Variants in BICC1 observed in about 807,000 individuals in gnomAD.
BICC1 encodes the protein protein bicaudal C homolog 1.
Under a neutral mutation model 111.0 loss-of-function variants are expected in BICC1, and 43 were observed. That is an observed-to-expected ratio of 0.39 (90% CI 0.30 to 0.50). The LOEUF is 0.50. Ranked by LOEUF, BICC1 falls within the 20% of genes least tolerant of loss-of-function variation. The pLI is 0.88. For synonymous variants in BICC1, 467 were observed against 434.4 expected (o/e 1.07, Z -0.93); for missense variants, 1,091 against 1,203.2 (o/e 0.91, Z 1.38).
At chr10:58,816,342 C>T (rs1361879019) in intron 18 of BICC1, among the ~76,000 whole-genome samples, 4 of 152,114 alleles carry the variant, frequency 2.6e-5, no homozygotes, top group Non-Finnish European at 5.9e-5. Flanking sequence ...GGTGGAGTGT[C>T]CCAGGACTCA....
At position 58,830,972 on chromosome 10, in the gene BICC1, T is replaced by C. The variant is rs747663678; in HGVS notation, c.*2081T>C. 1.3e-4 allele frequency: 20 copies of C among 152,230 alleles called. No individual in the cohort carries two copies. Among genetic ancestry groups the C allele is most frequent in the Non-Finnish European group, 2.5e-4 (17 of 68,048 alleles). The allele number at this position is 152,230 out of a possible 1,614,324, so 9.4% of individuals were successfully genotyped here. Reference sequence around the variant, plus strand: ...AATCTTGGAGCTCTTTTCCCAGCTGTCTACCATGCATTTGCAACAGGAGGA... The same window carrying C: ...AATCTTGGAGCTCTTTTCCCAGCTGCCTACCATGCATTTGCAACAGGAGGA... On this transcript the variant is annotated 3_prime_UTR_variant, in exon 21 of 21. Coordinates refer to ENST00000373886, the MANE Select transcript of BICC1 (RefSeq NM_001080512.3).
At chr10:58,802,993 T>C in intron 14 of BICC1, 84 bp from the exon 15 acceptor site, 1 of 1,289,390 alleles carries the variant, frequency 7.8e-7, no homozygotes, top group Non-Finnish European at 1.0e-6. Context: ...ATGATAAACA[T>C]GCATAGTAAA....
chr10:58,641,016 A>T (rs913719248), intron 2 of BICC1, among the ~76,000 whole-genome samples: 9 of 152,162 alleles, frequency 5.9e-5, no homozygotes, highest in African/African-American at 2.2e-4. Context: ...CCCATTGAGG[A>T]TATAATTGTA....
At chr10:58,681,744 A>C (rs1218868740) in intron 2 of BICC1, among the ~76,000 whole-genome samples, 1 of 152,164 alleles carries the variant, frequency 6.6e-6, no homozygotes, top group Admixed American at 6.5e-5. Context: ...TGGTGTATCC[A>C]GAGTTTGTTC....
intron 3 of BICC1, chr10:58,715,627 C>A: frequency 6.2e-7 from 1 of 1,605,724 alleles, no homozygotes; most frequent in Non-Finnish European, 8.5e-7. Flanking sequence ...CCAATCCAGT[C>A]TTCAGGGCCA....
intron 2 of BICC1, among the ~76,000 whole-genome samples, chr10:58,655,073 T>A: frequency 7.2e-6 from 1 of 138,866 alleles, no homozygotes; most frequent in Admixed American, 7.3e-5. Context: ...CCATGCTGTT[T>A]TGGTTACTGT....
chr10:58,545,077 T>G (rs1301369765), intron 1 of BICC1, among the ~76,000 whole-genome samples: 1 of 116,858 alleles, frequency 8.6e-6, no homozygotes, highest in East Asian at 2.5e-4. Context: ...TATTTACTGC[T>G]TCCAGAAATT....
At chr10:58,699,172 C>T (rs1462858309) in intron 2 of BICC1, among the ~76,000 whole-genome samples, 1 of 152,168 alleles carries the variant, frequency 6.6e-6, no homozygotes, top group African/African-American at 2.4e-5. Context: ...CTTTAGAGGT[C>T]GTGTGGTACA....
chr10:58,624,791 A>G (rs1845935979), intron 2 of BICC1, among the ~76,000 whole-genome samples: 1 of 151,996 alleles, frequency 6.6e-6, no homozygotes, highest in African/African-American at 2.4e-5. Context: ...ATGGGCTTTC[A>G]CCATGTTGAC....
intron 1 of BICC1, among the ~76,000 whole-genome samples, chr10:58,571,426 G>A (rs1000630660): frequency 2.6e-5 from 4 of 152,138 alleles, no homozygotes; most frequent in Admixed American, 6.5e-5. Flanking sequence ...TGCCCACATT[G>A]TCCCATCACC....
Position 58,799,165 on chromosome 10 carries a change from T to G in BICC1, c.1638T>G (p.Pro546=), listed in dbSNP as rs1220826952. 6.2e-7 allele frequency: 1 copy of G among 1,613,882 alleles called. No homozygotes were observed. The highest frequency in any genetic ancestry group is 8.5e-7 in the Non-Finnish European group (1 of 1,179,918). ...ATGGGCACACAGCTCCATCTCCCCC[T>G]CCTGGCTTGACTCCTGTTGATGTCC... The part of the protein sequence containing the change: ...PTYGHTAPSP[P]PGLTPVDVHI... Residue 546 remains proline, a synonymous_variant, in exon 12 of 21, where the codon CCT becomes CCG. Coordinates refer to ENST00000373886, the MANE Select transcript of BICC1 (RefSeq NM_001080512.3).
At chr10:58,527,044 A>G (rs1018829505) in intron 1 of BICC1, among the ~76,000 whole-genome samples, 2 of 152,218 alleles carry the variant, frequency 1.3e-5, no homozygotes, top group African/African-American at 2.4e-5. Context: ...AGTACCACCA[A>G]CGGTTTAAAA....
chr10:58,795,958 G>A (rs1371389645), intron 9 of BICC1, among the ~76,000 whole-genome samples: 1 of 151,568 alleles, frequency 6.6e-6, no homozygotes, highest in Non-Finnish European at 1.5e-5. Context: ...GCTGTAAAAA[G>A]GGAACCCAGG....
At position 58,770,520 on chromosome 10, in the gene BICC1, G is replaced by A. The variant is rs549923622; in HGVS notation, c.308-14481G>A. Reference sequence around the variant, plus strand: ...ACTAATCTGAGAATAAGAATTATATGTTTGGATTCCCTTGATCATATATCT... The same window carrying A: ...ACTAATCTGAGAATAAGAATTATATATTTGGATTCCCTTGATCATATATCT... On this transcript the variant is annotated intron_variant, in intron 3 of 20. Transcript: ENST00000373886. Among the ~76,000 whole-genome samples the A allele has an allele frequency of 2.6e-5, 4 of 152,112 alleles. No homozygotes were observed. In the South Asian group the frequency reaches 8.3e-4, roughly 32 times the overall value.
chr10:58,733,613 T>C (rs1232632106), intron 3 of BICC1, among the ~76,000 whole-genome samples: 2 of 152,204 alleles, frequency 1.3e-5, no homozygotes, highest in Non-Finnish European at 2.9e-5. Flanking sequence ...CAAGCCTGTT[T>C]CTATGGTTTG....
At chr10:58,826,011 G>A (rs993826923) in intron 20 of BICC1, among the ~76,000 whole-genome samples, 4 of 151,958 alleles carry the variant, frequency 2.6e-5, no homozygotes, top group African/African-American at 4.8e-5. Flanking sequence ...AAAGGAAAAG[G>A]AAATTTGAGA....
At chr10:58,622,607 T>C (rs1253227189) in intron 2 of BICC1, among the ~76,000 whole-genome samples, 5 of 152,216 alleles carry the variant, frequency 3.3e-5, no homozygotes, top group Admixed American at 1.3e-4. Flanking sequence ...TTTGTTTCTT[T>C]AGTTCAATGG....
At chr10:58,548,777 G>C (rs2131905950) in intron 1 of BICC1, among the ~76,000 whole-genome samples, 1 of 152,210 alleles carries the variant, frequency 6.6e-6, no homozygotes, top group African/African-American at 2.4e-5. Flanking sequence ...ATGCATATAA[G>C]AGTTATCTAT....
At chr10:58,536,539 T>G (rs912497878) in intron 1 of BICC1, among the ~76,000 whole-genome samples, 1 of 151,720 alleles carries the variant, frequency 6.6e-6, no homozygotes, top group Non-Finnish European at 1.5e-5. Context: ...ACACAAGTTC[T>G]CAGAACCTCT....
Sources: gnomAD v4.1 joint callset for allele counts (sites outside exome capture counted in the v4.1 genomes callset) on GRCh38, gnomAD v4.1.1 for gene constraint, MANE v1.5 for transcripts, NCBI Gene and HGNC (gene_info 2026-07-23, HGNC 2026-07-21) for gene names.